Variants in DNAH14 observed in about 807,000 individuals in gnomAD.
DNAH14 encodes the protein dynein axonemal heavy chain 14.
DNAH14 carries 478 observed loss-of-function variants against 520.9 expected under a neutral mutation model. That is an observed-to-expected ratio of 0.92 (90% CI 0.85 to 0.99). DNAH14 has a LOEUF of 0.99. Ranked by LOEUF, DNAH14 falls within the 50% of genes least tolerant of loss-of-function variation. The probability of loss-of-function intolerance (pLI) is 0.00; values close to 1 mark genes in which losing one functional copy is unlikely to be tolerated. For synonymous variants in DNAH14, 1,581 were observed against 1,757.2 expected (o/e 0.90, Z 2.51); for missense variants, 4,831 against 5,234.5 (o/e 0.92, Z 2.38).
chr1:225,248,095 A>C (rs1260632742), intron 43 of DNAH14, among the ~76,000 whole-genome samples: 1 of 152,202 alleles, frequency 6.6e-6, no homozygotes, highest in Non-Finnish European at 1.5e-5. Flanking sequence ...AATATCTTCA[A>C]ATGGATGAAG....
At chr1:225,295,609 A>G (rs2093989673) in intron 55 of DNAH14, among the ~76,000 whole-genome samples, 1 of 152,122 alleles carries the variant, frequency 6.6e-6, no homozygotes, top group Non-Finnish European at 1.5e-5. Flanking sequence ...CTCAGATAAG[A>G]TACTTGATAT....
At chr1:225,345,851 G>A in intron 69 of DNAH14, 111 bp from the exon 70 acceptor site, 1 of 823,878 alleles carries the variant, frequency 1.2e-6, no homozygotes, top group Non-Finnish European at 1.8e-6. Context: ...CTGACATAAA[G>A]CCAATAAGAA....
At chr1:225,352,038 C>T (rs1170987907) in intron 72 of DNAH14, among the ~76,000 whole-genome samples, 155 bp downstream of exon 72, 2 of 152,060 alleles carry the variant, frequency 1.3e-5, no homozygotes, top group African/African-American at 2.4e-5. Context: ...TCATTATAAT[C>T]CTCATAACAA....
chr1:225,340,702 G>GT lies in DNAH14; in HGVS notation c.10678+2dup, dbSNP rs1346709950. The GT allele has an allele frequency of 1.0e-5, 16 of 1,550,440 alleles. No individual in the cohort carries two copies. The highest frequency in any genetic ancestry group is 1.1e-5 in the Non-Finnish European group (13 of 1,146,428). On this transcript the variant is annotated splice_donor_variant, in intron 69 of 85. Transcript: ENST00000682510. LOFTEE classifies it high-confidence loss of function. ...TTAAATTTACTGCAGAAAGCACTAG[G>GT]TAAGTCAAGATATTTAGTGATAGTA...
intron 23 of DNAH14, among the ~76,000 whole-genome samples, chr1:225,116,856 A>G (rs1315168619): frequency 1.3e-5 from 2 of 152,186 alleles, no homozygotes; most frequent in Non-Finnish European, 2.9e-5. Context: ...GCTCTCAGTA[A>G]ATTTGGTAAT....
In DNAH14 at chr1:225,392,250, A is replaced by C. The variant is rs1168494552; in HGVS notation, c.13331-41A>C. 7 of 1,547,828 alleles carry C rather than the reference A, an allele frequency of 4.5e-6. No individual in the cohort carries two copies. The East Asian group carries it at 1.2e-4, about 27-fold the overall frequency. On this transcript the variant is annotated intron_variant, in intron 83 of 85. Coordinates refer to ENST00000682510, the MANE Select transcript of DNAH14 (RefSeq NM_001367479.1). ...TTGCTAACCCCAGCAGGAGGCCCTG[A>C]GACTCACAAGGAACTTGATGGTGTG...
At chr1:225,206,851 C>A in intron 40 of DNAH14, 117 bp from the exon 41 acceptor site, 1 of 924,624 alleles carries the variant, frequency 1.1e-6, no homozygotes, top group Non-Finnish European at 1.5e-6. Flanking sequence ...TAATGAATGA[C>A]AATTCTAAGT....
chr1:225,183,148 G>A (rs2084254183), intron 36 of DNAH14, among the ~76,000 whole-genome samples: 1 of 152,246 alleles, frequency 6.6e-6, no homozygotes, highest in Non-Finnish European at 1.5e-5. Context: ...AGTACCAGAA[G>A]AGCCTTGTGG....
chr1:225,050,767 T>C (rs2068462964), intron 16 of DNAH14, among the ~76,000 whole-genome samples: 1 of 152,194 alleles, frequency 6.6e-6, no homozygotes, highest in South Asian at 2.1e-4. Context: ...TTGGGTGAGG[T>C]CACATACTAT....
intron 67 of DNAH14, among the ~76,000 whole-genome samples, chr1:225,337,761 T>C (rs2095088554): frequency 6.6e-6 from 1 of 152,192 alleles, no homozygotes; most frequent in Admixed American, 6.5e-5. Context: ...TGTATATAGT[T>C]ATGGGGTACA....
At chr1:224,967,242 A>G (rs190179611) in intron 5 of DNAH14, among the ~76,000 whole-genome samples, 189 bp from the exon 6 acceptor site, 2 of 152,204 alleles carry the variant, frequency 1.3e-5, no homozygotes, top group Admixed American at 1.3e-4. Context: ...TAAATCTTTC[A>G]TAAGATTGAT....
In DNAH14 at chr1:225,102,132, C is replaced by G. The variant is rs1340416334; in HGVS notation, c.3867+1248C>G. The stretch of plus-strand genomic sequence containing the variant: ...TTCAATTCCCACCTATGAGTGAGAA[C>G]ATGCGGTGTTTGGTTTTTTCTCCTT... On this transcript the variant is annotated intron_variant, in intron 23 of 85. Coordinates refer to ENST00000682510, the MANE Select transcript of DNAH14 (RefSeq NM_001367479.1). 5.4e-5 allele frequency among the ~76,000 whole-genome samples: 8 copies of G among 149,484 alleles called. No individual in the cohort carries two copies. In the Admixed American group the frequency reaches 5.4e-4, roughly 10 times the overall value.
At chr1:225,271,293 G>A (rs1455948836) in intron 50 of DNAH14, among the ~76,000 whole-genome samples, 2 of 152,028 alleles carry the variant, frequency 1.3e-5, no homozygotes, top group Non-Finnish European at 2.9e-5. Flanking sequence ...TCTAAAACAG[G>A]ATTTTTTTTC....
At chr1:225,300,830 T>C (rs1450742992) in intron 55 of DNAH14, 39 bp from the exon 56 acceptor site, 38 of 1,534,658 alleles carry the variant, frequency 2.5e-5, no homozygotes, top group Non-Finnish European at 3.0e-5. Flanking sequence ...AATATATGAA[T>C]AATTTACTCT....
At chr1:225,322,198 C>A (rs1029520388) in intron 61 of DNAH14, among the ~76,000 whole-genome samples, 5 of 137,602 alleles carry the variant, frequency 3.6e-5, no homozygotes, top group African/African-American at 1.3e-4. Flanking sequence ...TCAAGCAATT[C>A]TCCTGCTTCA....
At chr1:225,123,925 G>A (rs1223073052) in intron 27 of DNAH14, among the ~76,000 whole-genome samples, 8 of 151,890 alleles carry the variant, frequency 5.3e-5, no homozygotes, top group Admixed American at 4.6e-4. Flanking sequence ...GCTAATTTTT[G>A]TATTTTTAGT....
At chr1:225,001,173 G>T (rs1336133511) in intron 8 of DNAH14, among the ~76,000 whole-genome samples, 3 of 151,724 alleles carry the variant, frequency 2.0e-5, no homozygotes, top group African/African-American at 7.3e-5. Flanking sequence ...TCAAGTCTGG[G>T]ATATATTGGG....
At chr1:225,138,844 A>T (rs1318645020) in intron 27 of DNAH14, among the ~76,000 whole-genome samples, 1 of 151,750 alleles carries the variant, frequency 6.6e-6, no homozygotes, top group African/African-American at 2.4e-5. Context: ...CTGCTTGCCT[A>T]TTCATTCCCG....
At chr1:225,043,207 A>T in intron 13 of DNAH14, 93 bp downstream of exon 13, 1 of 1,225,426 alleles carries the variant, frequency 8.2e-7, no homozygotes, top group Non-Finnish European at 1.1e-6. Flanking sequence ...AGGTGGGAGG[A>T]TCACTTGATG....
Sources: gnomAD v4.1 joint callset for allele counts (sites outside exome capture counted in the v4.1 genomes callset) on GRCh38, gnomAD v4.1.1 for gene constraint, MANE v1.5 for transcripts, NCBI Gene and HGNC (gene_info 2026-07-23, HGNC 2026-07-21) for gene names.